NRXN3: variants seen among roughly 807,000 people sequenced by gnomAD.
NRXN3 encodes the protein neurexin 3.
NRXN3 carries 32 observed loss-of-function variants against 137.6 expected under a neutral mutation model. The observed-to-expected ratio is 0.23, with a 90% CI of 0.18 to 0.31. NRXN3 has a LOEUF of 0.31. Ranked by LOEUF, NRXN3 falls within the 10% of genes least tolerant of loss-of-function variation. The pLI is 1.00. For missense variants in NRXN3, 1,574 were observed against 2,062.5 expected (o/e 0.76, Z 4.59); for synonymous variants, 798 against 784.5 (o/e 1.02, Z -0.29).
At chr14:79,029,355 T>C (rs946153586) in intron 15 of NRXN3, among the ~76,000 whole-genome samples, 5 of 152,158 alleles carry the variant, frequency 3.3e-5, no homozygotes, top group African/African-American at 1.2e-4. Flanking sequence ...GTCAAACTTA[T>C]TATTTGCAAA....
At chr14:78,755,195 T>TC (rs1398224304) in intron 8 of NRXN3, among the ~76,000 whole-genome samples, 1 of 151,684 alleles carries the variant, frequency 6.6e-6, no homozygotes, top group Non-Finnish European at 1.5e-5. Flanking sequence ...TTTGTATTTT[T>TC]TTTTTTTTTT....
At chr14:78,874,953 C>A (rs368943396) in intron 10 of NRXN3, among the ~76,000 whole-genome samples, 2 of 152,138 alleles carry the variant, frequency 1.3e-5, no homozygotes, top group Non-Finnish European at 2.9e-5. Flanking sequence ...AACTGTGGGA[C>A]GGACTTTAGA....
chr14:79,684,728 T>TATTCTGGC (rs2098687970), intron 17 of NRXN3, among the ~76,000 whole-genome samples: 1 of 152,132 alleles, frequency 6.6e-6, no homozygotes, highest in Admixed American at 6.6e-5. Flanking sequence ...AAAAATCAAA[T>TATTCTGGC]ATTCTGGCAT....
At chr14:79,298,334 A>G (rs1566716289) in intron 15 of NRXN3, among the ~76,000 whole-genome samples, 1 of 152,200 alleles carries the variant, frequency 6.6e-6, no homozygotes, top group East Asian at 1.9e-4. Context: ...ATATAATTCC[A>G]GTTATTCAAA....
chr14:79,032,067 C>A (rs922668656), intron 15 of NRXN3, among the ~76,000 whole-genome samples: 17 of 152,186 alleles, frequency 1.1e-4, no homozygotes, highest in African/African-American at 4.1e-4. Context: ...TGTTTCTCTT[C>A]TCTCTAGTGC....
intron 15 of NRXN3, among the ~76,000 whole-genome samples, chr14:79,215,462 G>C (rs944665144): frequency 6.6e-6 from 1 of 152,102 alleles, no homozygotes; most frequent in African/African-American, 2.4e-5. Flanking sequence ...TGGGCAATTT[G>C]CAAAAGAAAG....
At chr14:79,722,838 A>G (rs1193249472) in intron 19 of NRXN3, among the ~76,000 whole-genome samples, 1 of 152,180 alleles carries the variant, frequency 6.6e-6, no homozygotes, top group Non-Finnish European at 1.5e-5. Flanking sequence ...GATAAATGGT[A>G]GATGGATAGA....
At chr14:78,798,559 C>T (rs11159382) in intron 8 of NRXN3, among the ~76,000 whole-genome samples, 128,331 of 152,178 alleles carry the variant, frequency 0.84, 55,842 homozygotes, top group Non-Finnish European at 0.96. Context: ...ATTCTGGGGT[C>T]TGGAGGACAG....
intron 19 of NRXN3, among the ~76,000 whole-genome samples, chr14:79,726,915 T>C (rs1456675819): frequency 6.6e-6 from 1 of 152,146 alleles, no homozygotes; most frequent in African/African-American, 2.4e-5. Context: ...AGCAGACCTA[T>C]GTCCAATTCT....
intron 15 of NRXN3, among the ~76,000 whole-genome samples, chr14:79,223,600 T>G (rs2153233905): frequency 6.6e-6 from 1 of 152,262 alleles, no homozygotes; most frequent in African/African-American, 2.4e-5. Context: ...TGGTGTTTAC[T>G]CAAATGAATG....
intron 15 of NRXN3, among the ~76,000 whole-genome samples, chr14:79,166,203 ATCT>A (rs1289943057): frequency 1.3e-5 from 2 of 151,980 alleles, no homozygotes; most frequent in African/African-American, 4.8e-5. Flanking sequence ...GTGGTCTGAA[ATCT>A]TCTTCCCTTT....
At chr14:79,153,015 A>G (rs923098255) in intron 15 of NRXN3, among the ~76,000 whole-genome samples, 1 of 152,010 alleles carries the variant, frequency 6.6e-6, no homozygotes, top group African/African-American at 2.4e-5. Flanking sequence ...TAGGGTTCAC[A>G]AAACAATGAG....
intron 19 of NRXN3, among the ~76,000 whole-genome samples, chr14:79,748,693 A>C (rs937076943): frequency 1.3e-5 from 2 of 151,246 alleles, no homozygotes; most frequent in South Asian, 4.2e-4. Context: ...ACTCATTTTT[A>C]AAAAAATTTC....
chr14:79,141,709 C>T (rs1245304534), intron 15 of NRXN3, among the ~76,000 whole-genome samples: 1 of 152,152 alleles, frequency 6.6e-6, no homozygotes, highest in South Asian at 2.1e-4. Context: ...AAAGGAGATA[C>T]CACTTCTGTC....
At chr14:79,575,886 C>T (rs1186751052) in intron 16 of NRXN3, among the ~76,000 whole-genome samples, 2 of 152,092 alleles carry the variant, frequency 1.3e-5, no homozygotes, top group Non-Finnish European at 2.9e-5. Flanking sequence ...CACAATAGCC[C>T]GTCTGCTGCA....
intron 8 of NRXN3, among the ~76,000 whole-genome samples, chr14:78,754,440 A>G (rs148019004): frequency 1.4e-4 from 22 of 152,238 alleles, no homozygotes; most frequent in Middle Eastern, 3.4e-3. Context: ...CAGGCTTTGC[A>G]CATTCTCTTC....
intron 16 of NRXN3, among the ~76,000 whole-genome samples, chr14:79,490,803 G>A (rs2096709596): frequency 6.6e-6 from 1 of 152,100 alleles, no homozygotes; most frequent in Non-Finnish European, 1.5e-5. Flanking sequence ...ACATTTTAAA[G>A]TAAAGAGTAT....
At chr14:78,884,382 G>A (rs906628288) in intron 10 of NRXN3, among the ~76,000 whole-genome samples, 1 of 152,114 alleles carries the variant, frequency 6.6e-6, no homozygotes, top group African/African-American at 2.4e-5. Flanking sequence ...TATCTTCTGG[G>A]TATTTGATCT....
At chr14:79,456,395 A>G (rs1186331404) in intron 15 of NRXN3, among the ~76,000 whole-genome samples, 1 of 152,186 alleles carries the variant, frequency 6.6e-6, no homozygotes, top group Non-Finnish European at 1.5e-5. Context: ...AATTTGAACT[A>G]GCTTAGACTA....
Sources: gnomAD v4.1 joint callset for allele counts (sites outside exome capture counted in the v4.1 genomes callset) on GRCh38, gnomAD v4.1.1 for gene constraint, MANE v1.5 for transcripts, NCBI Gene and HGNC (gene_info 2026-07-23, HGNC 2026-07-21) for gene names.